The following GIPC2 variants were observed in gnomAD, a reference collection of about 807,000 sequenced individuals.
GIPC2 encodes the protein GIPC PDZ domain containing family member 2, also known as PDZ domain-containing protein GIPC2.
In GIPC2, 30 loss-of-function variants were observed where a neutral mutation model predicts 30.6. That is an observed-to-expected ratio of 0.98 (90% CI 0.73 to 1.33). The LOEUF (loss-of-function observed/expected upper bound fraction) is 1.33, where lower values mean the gene tolerates loss of function less well. Among genes scored for constraint, GIPC2 ranks in the 40% most tolerant of loss-of-function variants. GIPC2 has a pLI of 0.00. For missense variants in GIPC2, 414 were observed against 390.3 expected (o/e 1.06, Z -0.51); for synonymous variants, 167 against 150.0 (o/e 1.11, Z -0.83).
intron 1 of GIPC2, among the ~76,000 whole-genome samples, chr1:78,054,115 T>A (rs1370856017): frequency 6.6e-6 from 1 of 152,234 alleles, no homozygotes; most frequent in Non-Finnish European, 1.5e-5. Context: ...TTTCTCATGC[T>A]GTTCTTTGTT....
At position 78,046,276 on chromosome 1, in the gene GIPC2, C is replaced by G. The variant is rs17101180; in HGVS notation, c.182C>G (p.Ser61Cys). The part of the protein sequence containing the change: ...GSATGRVEGF[S>C]SIQELYAQIA... ...GCCACGGGCCGAGTGGAGGGCTTCTCCAGCATCCAGGAGCTCTACGCCCAG... is the reference window on the plus strand; with the variant it reads ...GCCACGGGCCGAGTGGAGGGCTTCTGCAGCATCCAGGAGCTCTACGCCCAG... Residue 61 changes from serine to cysteine, a missense_variant, in exon 1 of 6, where the codon TCC (serine) becomes TGC (cysteine). Ser to Cys is a moderately radical substitution (Grantham distance 112, BLOSUM62 -1). Transcript: ENST00000370759. 3.7e-6 allele frequency: 6 copies of G among 1,611,938 alleles called. No homozygotes were observed. In the African/African-American group the frequency reaches 4.0e-5, roughly 11 times the overall value.
intron 1 of GIPC2, among the ~76,000 whole-genome samples, chr1:78,056,779 A>G (rs1661306217): frequency 6.6e-6 from 1 of 152,220 alleles, no homozygotes; most frequent in Non-Finnish European, 1.5e-5. Context: ...AGTAACAACC[A>G]TCCTGACTTT....
rs572297735 is a variant in GIPC2 at position 78,052,036 on chromosome 1, C to T, written c.240+5702C>T. Among the ~76,000 whole-genome samples, 17 of 152,290 alleles carry T rather than the reference C, an allele frequency of 1.1e-4. No homozygotes were observed. The East Asian group carries it at 1.5e-3, about 14-fold the overall frequency. The stretch of plus-strand genomic sequence containing the variant: ...CAAACCAAAATACTATGATGGGCTA[C>T]GGGCTCTGTTACCTCTTCAGAATCG... On this transcript the variant is annotated intron_variant, in intron 1 of 5. Coordinates refer to ENST00000370759, the MANE Select transcript of GIPC2 (RefSeq NM_017655.6).
At chr1:78,116,688 T>C (rs1662573946) in intron 3 of GIPC2, among the ~76,000 whole-genome samples, 2 of 152,186 alleles carry the variant, frequency 1.3e-5, no homozygotes, top group African/African-American at 4.8e-5. Context: ...CATGAACTCA[T>C]CAGTTTTTAT....
At chr1:78,061,403 G>C (rs1217577620) in intron 1 of GIPC2, among the ~76,000 whole-genome samples, 2 of 152,136 alleles carry the variant, frequency 1.3e-5, no homozygotes, top group African/African-American at 4.8e-5. Flanking sequence ...TTTGGGGTGT[G>C]TGGAGTATTC....
Position 78,046,035 on chromosome 1 carries a change from G to GC in GIPC2, c.-58dup. 1 of 1,398,734 alleles carries GC rather than the reference G, an allele frequency of 7.1e-7. No homozygotes were observed. The highest frequency in any genetic ancestry group is 3.0e-5 in the East Asian group (1 of 33,114). 86.6% of individuals were successfully genotyped at this position (1,398,734 alleles called of 1,614,324 possible). The stretch of plus-strand genomic sequence containing the variant: ...GGGCCCGGGGCGCAAAGTCCGAGGC[G>GC]CCGGGGGGAGGAGGCGGCGGACGGC... On this transcript the variant is annotated 5_prime_UTR_variant, in exon 1 of 6. Coordinates refer to ENST00000370759, the MANE Select transcript of GIPC2 (RefSeq NM_017655.6).
chr1:78,052,939 C>T (rs886769092), intron 1 of GIPC2, among the ~76,000 whole-genome samples: 1 of 152,186 alleles, frequency 6.6e-6, no homozygotes, highest in Admixed American at 6.5e-5. Context: ...GTGCAAATAA[C>T]TGGCAAGTGG....
chr1:78,095,248 A>C, intron 3 of GIPC2, 116 bp downstream of exon 3: 2 of 645,160 alleles, frequency 3.1e-6, no homozygotes, highest in Non-Finnish European at 5.5e-6. Flanking sequence ...TTCTTATCTA[A>C]CATATCAGTT....
chr1:78,131,580 C>T (rs1307558440), intron 5 of GIPC2, among the ~76,000 whole-genome samples: 1 of 152,104 alleles, frequency 6.6e-6, no homozygotes, highest in Non-Finnish European at 1.5e-5. Flanking sequence ...ATCTTAGTGG[C>T]TATCTTATGT....
intron 1 of GIPC2, among the ~76,000 whole-genome samples, chr1:78,079,562 C>T (rs940724128): frequency 2.6e-5 from 4 of 152,058 alleles, no homozygotes; most frequent in Admixed American, 6.6e-5. Context: ...GGTAAGGATC[C>T]GGGATGGAGG....
chr1:78,104,248 A>C (rs1662303154), intron 3 of GIPC2, among the ~76,000 whole-genome samples: 1 of 152,098 alleles, frequency 6.6e-6, no homozygotes, highest in South Asian at 2.1e-4. Flanking sequence ...AGAATTGTGG[A>C]GTAAAATTTA....
chr1:78,122,809 C>G (rs951994803), intron 4 of GIPC2, among the ~76,000 whole-genome samples: 1 of 152,008 alleles, frequency 6.6e-6, no homozygotes, highest in Non-Finnish European at 1.5e-5. Context: ...GCTGGTGATA[C>G]AAAGAAGAAT....
At chr1:78,118,691 G>A (rs925702275) in intron 3 of GIPC2, among the ~76,000 whole-genome samples, 1 of 152,162 alleles carries the variant, frequency 6.6e-6, no homozygotes, top group African/African-American at 2.4e-5. Context: ...CTGTTGGTAT[G>A]TCAACTCTGA....
In GIPC2 at chr1:78,091,729, CA is replaced by C. The variant is rs796779921; in HGVS notation, c.427-3221del. 3.6e-5 allele frequency: 28 copies of C among 775,134 alleles called. No individual in the cohort carries two copies. In the African/African-American group the frequency reaches 3.7e-4, roughly 10 times the overall value. 48.0% of individuals were successfully genotyped at this position (775,134 alleles called of 1,614,324 possible). A position where few individuals can be genotyped will look rare whatever the true frequency, so the allele number is the denominator to read the frequency against. The stretch of plus-strand genomic sequence containing the variant: ...GCACATATTTGGTAGCCTTTGCATA[CA>C]AGAATGTTAAATTTGTTCTCAAGCA... On this transcript the variant is annotated intron_variant, in intron 2 of 5. Coordinates refer to ENST00000370759, the MANE Select transcript of GIPC2 (RefSeq NM_017655.6).
intron 1 of GIPC2, among the ~76,000 whole-genome samples, chr1:78,055,877 C>A (rs76877249): frequency 6.6e-6 from 1 of 152,124 alleles, no homozygotes; most frequent in African/African-American, 2.4e-5. Context: ...TTTAGGGGAA[C>A]GTAAATGGCA....
At chr1:78,091,698 T>G in intron 2 of GIPC2, 1 of 773,880 alleles carries the variant, frequency 1.3e-6, no homozygotes, top group Non-Finnish European at 2.4e-6. Context: ...GTGATGACCC[T>G]AGAAAGCACA....
At chr1:78,090,174 TTTAA>T (rs952399986) in intron 2 of GIPC2, among the ~76,000 whole-genome samples, 2 of 152,158 alleles carry the variant, frequency 1.3e-5, no homozygotes, top group Non-Finnish European at 2.9e-5. Flanking sequence ...AGACTTGTAC[TTTAA>T]TTAATTAATT....
chr1:78,092,077 CG>C, intron 2 of GIPC2: 2 of 1,463,204 alleles, frequency 1.4e-6, no homozygotes. Context: ...CTTCACCCCC[CG>C]GCTTTGTGTC....
intron 5 of GIPC2, among the ~76,000 whole-genome samples, chr1:78,129,734 C>T (rs1662855790): frequency 6.6e-6 from 1 of 152,140 alleles, no homozygotes; most frequent in South Asian, 2.1e-4. Flanking sequence ...TATAAGACCT[C>T]ACATGGTCTT....
Sources: gnomAD v4.1 joint callset for allele counts (sites outside exome capture counted in the v4.1 genomes callset) on GRCh38, gnomAD v4.1.1 for gene constraint, MANE v1.5 for transcripts, NCBI Gene and HGNC (gene_info 2026-07-23, HGNC 2026-07-21) for gene names.